Variants in SYNDIG1 observed in about 807,000 individuals in gnomAD.
SYNDIG1 encodes synapse differentiation inducing 1.
A neutral mutation model predicts 19.4 loss-of-function variants in SYNDIG1; 9 were observed. The observed-to-expected ratio is 0.46, with a 90% CI of 0.28 to 0.81. The LOEUF (loss-of-function observed/expected upper bound fraction) is 0.81, where lower values mean the gene tolerates loss of function less well. Among genes scored for constraint, SYNDIG1 ranks in the 30% least tolerant of loss-of-function variants. The pLI is 0.12. For synonymous variants in SYNDIG1, 141 were observed against 145.9 expected, an observed-to-expected ratio of 0.97 and a Z score of 0.24; for missense variants, 311 against 343.3, an observed-to-expected ratio of 0.91 and a Z score of 0.74.
intron 1 of SYNDIG1, among the ~76,000 whole-genome samples, chr20:24,478,333 G>C (rs1012792152): frequency 6.6e-6 from 1 of 152,196 alleles, no homozygotes; most frequent in African/African-American, 2.4e-5. Context: ...GGTGGAGACT[G>C]AGCTTTGGCT....
rs895474719 is a variant in SYNDIG1, at chr20:24,496,919, C to T, written c.-79+27166C>T. Among the ~76,000 whole-genome samples, 7 of 152,248 alleles carry T rather than the reference C, an allele frequency of 4.6e-5. No homozygotes were observed. In the East Asian group the frequency reaches 9.6e-4, roughly 21 times the overall value. On this transcript the variant is annotated intron_variant, in intron 1 of 3. Transcript: ENST00000376862. ...TTCTAATTCTCAATTTCTATGCCTT[C>T]CCCCTCAAAATCCTCCTGGTACCTT...
intron 2 of SYNDIG1, among the ~76,000 whole-genome samples, chr20:24,565,210 T>C (rs2058022633): frequency 6.6e-6 from 1 of 152,200 alleles, no homozygotes; most frequent in Admixed American, 6.5e-5. Context: ...ACCGGGGATA[T>C]AGTGGAAGTC....
chr20:24,567,514 G>A (rs1414042352), intron 2 of SYNDIG1, among the ~76,000 whole-genome samples: 2 of 152,176 alleles, frequency 1.3e-5, no homozygotes, highest in African/African-American at 4.8e-5. Flanking sequence ...GTCACTCTGG[G>A]GCCCTCTTGA....
chr20:24,604,597 C>T (rs1037769627), intron 3 of SYNDIG1, among the ~76,000 whole-genome samples: 6 of 152,210 alleles, frequency 3.9e-5, no homozygotes, highest in Non-Finnish European at 7.3e-5. Context: ...ACCCTCAGTT[C>T]TGGGAATTGC....
At chr20:24,634,776 C>A (rs1046122483) in intron 3 of SYNDIG1, among the ~76,000 whole-genome samples, 6 of 152,186 alleles carry the variant, frequency 3.9e-5, no homozygotes, top group Non-Finnish European at 5.9e-5. Context: ...AGCTTTACTG[C>A]AAACATGTCC....
chr20:24,611,960 A>G (rs1175984100), intron 3 of SYNDIG1, among the ~76,000 whole-genome samples: 1 of 152,222 alleles, frequency 6.6e-6, no homozygotes, highest in Admixed American at 6.5e-5. Context: ...TGTCTTAATG[A>G]GAGTGTTCCT....
intron 2 of SYNDIG1, among the ~76,000 whole-genome samples, chr20:24,555,619 G>C (rs940854688): frequency 4.6e-5 from 7 of 152,182 alleles, no homozygotes; most frequent in African/African-American, 1.4e-4. Context: ...GCTGTTTTGA[G>C]TGAGTTTCTT....
intron 1 of SYNDIG1, among the ~76,000 whole-genome samples, chr20:24,541,562 G>A (rs915108634): frequency 2.6e-5 from 4 of 152,148 alleles, no homozygotes; most frequent in African/African-American, 9.7e-5. Flanking sequence ...CATTTAAGGC[G>A]GCTTCCTCTG....
chr20:24,594,796 G>A (rs756479056), intron 3 of SYNDIG1, among the ~76,000 whole-genome samples: 24 of 152,126 alleles, frequency 1.6e-4, no homozygotes, highest in South Asian at 4.2e-4. Context: ...TATTGTGAAC[G>A]GAATTGCTTT....
At chr20:24,576,803 A>G (rs1021636892) in intron 2 of SYNDIG1, among the ~76,000 whole-genome samples, 5 of 151,958 alleles carry the variant, frequency 3.3e-5, no homozygotes, top group African/African-American at 1.2e-4. Context: ...TCTCTCAGCA[A>G]TCCAGCATGG....
intron 1 of SYNDIG1, among the ~76,000 whole-genome samples, chr20:24,475,656 AC>A (rs2055598807): frequency 6.6e-6 from 1 of 152,120 alleles, no homozygotes; most frequent in Non-Finnish European, 1.5e-5. Context: ...TCCCATGGAA[AC>A]CCTGTATTTG....
At chr20:24,583,203 A>T (rs374909100) in intron 2 of SYNDIG1, among the ~76,000 whole-genome samples, 2 of 152,304 alleles carry the variant, frequency 1.3e-5, no homozygotes, top group African/African-American at 4.8e-5. Flanking sequence ...TTCTGCTAGT[A>T]AGGAGGAATG....
intron 3 of SYNDIG1, among the ~76,000 whole-genome samples, chr20:24,624,826 CAGT>C (rs991468397): frequency 6.6e-5 from 10 of 152,002 alleles, no homozygotes; most frequent in Non-Finnish European, 1.3e-4. Flanking sequence ...AGATTAAAAA[CAGT>C]AGAGAAAATA....
chr20:24,480,735 C>CAGCAGATGAGCGGAT (rs1568570814), intron 1 of SYNDIG1, among the ~76,000 whole-genome samples: 1 of 152,224 alleles, frequency 6.6e-6, no homozygotes. Context: ...AAGAGTCTAT[C>CAGCAGATGAGCGGAT]AGCAGATGAG....
At chr20:24,566,613 TGC>T (rs1401152491) in intron 2 of SYNDIG1, among the ~76,000 whole-genome samples, 2 of 152,292 alleles carry the variant, frequency 1.3e-5, no homozygotes, top group South Asian at 2.1e-4. Flanking sequence ...CACTAATCAC[TGC>T]ACACATCCCT....
chr20:24,472,212 G>T lies in SYNDIG1; in HGVS notation c.-79+2459G>T, dbSNP rs182811305. On this transcript the variant is annotated intron_variant, in intron 1 of 3. Transcript: ENST00000376862. ...CCAACTTTACTTGAGGCGTACAGGG[G>T]TGAGATATTGAAGAAGGAAAGACAA... is the stretch of plus-strand genomic sequence containing the variant. 5.9e-5 allele frequency among the ~76,000 whole-genome samples: 9 copies of T among 152,316 alleles called. No individual in the cohort carries two copies. The East Asian group carries it at 1.7e-3, about 29-fold the overall frequency.
intron 3 of SYNDIG1, among the ~76,000 whole-genome samples, chr20:24,587,227 G>A (rs921016720): frequency 1.3e-5 from 2 of 152,178 alleles, no homozygotes; most frequent in Non-Finnish European, 2.9e-5. Flanking sequence ...TCTCAGGGCC[G>A]CTGGCTGCAG....
At chr20:24,650,408 C>T (rs1270607875) in intron 3 of SYNDIG1, among the ~76,000 whole-genome samples, 4 of 152,274 alleles carry the variant, frequency 2.6e-5, no homozygotes, top group Non-Finnish European at 5.9e-5. Flanking sequence ...AGCTGTCCAT[C>T]CTCAGTCCAC....
chr20:24,473,599 C>A (rs2055532732), intron 1 of SYNDIG1, among the ~76,000 whole-genome samples: 1 of 152,094 alleles, frequency 6.6e-6, no homozygotes, highest in Non-Finnish European at 1.5e-5. Context: ...TATTGGATTG[C>A]ACGGGGAGTG....
Sources: allele counts gnomAD v4.1 joint callset (sites outside exome capture counted in the v4.1 genomes callset), GRCh38; gene constraint gnomAD v4.1.1; transcripts MANE v1.5; gene names NCBI Gene and HGNC (gene_info 2026-07-23, HGNC 2026-07-21).